Variants in ASTN2 observed in about 807,000 individuals in gnomAD.
ASTN2 encodes the protein astrotactin-2.
ASTN2 carries 54 observed loss-of-function variants against 139.8 expected under a neutral mutation model. The observed-to-expected ratio is 0.39, with a 90% confidence interval of 0.31 to 0.48. The LOEUF is 0.48. Ranked by LOEUF, ASTN2 falls within the 20% of genes least tolerant of loss-of-function variation. The pLI, the probability that ASTN2 is intolerant of heterozygous loss-of-function variation, is 0.95. For synonymous variants in ASTN2, 756 were observed against 719.5 expected, an observed-to-expected ratio of 1.05 and a Z score of -0.81; for missense variants, 1,565 against 1,725.1, an observed-to-expected ratio of 0.91 and a Z score of 1.64.
chr9:116,984,237 G>A (rs78843241), intron 7 of ASTN2, among the ~76,000 whole-genome samples: 1 of 152,138 alleles, frequency 6.6e-6, no homozygotes, highest in Non-Finnish European at 1.5e-5. Flanking sequence ...CATTGTCCAT[G>A]TGCTATGAAC....
At position 116,725,755 on chromosome 9, in the gene ASTN2, G is replaced by A; in HGVS notation, c.2806+16C>T. On this transcript the variant is annotated intron_variant, in intron 16 of 22. Coordinates refer to ENST00000313400, the MANE Select transcript of ASTN2 (RefSeq NM_001365068.1). ...GCCTGCCTGGCCACCTCCTACAGTA[G>A]GCACTCCGGGCTTACCTTTCTGATA... 6.2e-7 allele frequency: 1 copy of A among 1,609,834 alleles called. No homozygotes were observed. The highest frequency in any genetic ancestry group is 1.1e-5 in the South Asian group (1 of 90,446).
chr9:117,072,156 TG>T (rs1344812559), intron 5 of ASTN2, among the ~76,000 whole-genome samples: 1 of 152,200 alleles, frequency 6.6e-6, no homozygotes, highest in Non-Finnish European at 1.5e-5. Flanking sequence ...TGCAGAATTA[TG>T]GGGCCTCCTA....
chr9:117,248,355 A>G (rs1049848691), intron 2 of ASTN2, among the ~76,000 whole-genome samples: 2 of 152,226 alleles, frequency 1.3e-5, no homozygotes, highest in Non-Finnish European at 2.9e-5. Flanking sequence ...GGAATCGAAT[A>G]AAAAGAGGAG....
rs76221895 is a variant in ASTN2 at position 117,282,791 on chromosome 9, T to C, written c.630+8535A>G. Among the ~76,000 whole-genome samples the C allele has an allele frequency of 2.0e-5, 3 of 148,292 alleles. No homozygotes were observed. In the East Asian group the frequency reaches 5.8e-4, roughly 29 times the overall value. ...AGGAGAAGACAAGCAGAGCTGAGCC[T>C]GCAGTGACTGCAGCTGCCGATGTGT... On this transcript the variant is annotated intron_variant, in intron 2 of 22. Transcript: ENST00000313400.
intron 10 of ASTN2, among the ~76,000 whole-genome samples, chr9:116,900,672 T>C (rs1588395485): frequency 6.6e-6 from 1 of 152,000 alleles, no homozygotes; most frequent in Admixed American, 6.6e-5. Flanking sequence ...CTACCATTGG[T>C]TCCAGCTCAT....
At chr9:116,716,066 T>C (rs1006050858) in intron 16 of ASTN2, among the ~76,000 whole-genome samples, 1 of 152,140 alleles carries the variant, frequency 6.6e-6, no homozygotes, top group Non-Finnish European at 1.5e-5. Flanking sequence ...AATTCCACAT[T>C]CTTAGTGCCA....
At chr9:116,985,723 A>G (rs1388192533) in intron 7 of ASTN2, among the ~76,000 whole-genome samples, 2 of 152,184 alleles carry the variant, frequency 1.3e-5, no homozygotes, top group Admixed American at 1.3e-4. Context: ...ATTTCCAACA[A>G]TCCAGAAGGA....
chr9:117,300,473 C>T (rs1025346654), intron 1 of ASTN2, among the ~76,000 whole-genome samples: 3 of 152,150 alleles, frequency 2.0e-5, no homozygotes, highest in Non-Finnish European at 4.4e-5. Flanking sequence ...AAGTCACAAT[C>T]TAGGAGAGCA....
intron 1 of ASTN2, among the ~76,000 whole-genome samples, chr9:117,325,885 G>C (rs778116217): frequency 6.6e-6 from 1 of 152,098 alleles, no homozygotes; most frequent in South Asian, 2.1e-4. Context: ...TCAGTCCCCA[G>C]GCAGGTCATA....
intron 19 of ASTN2, among the ~76,000 whole-genome samples, chr9:116,567,387 C>T (rs1165141278): frequency 6.6e-6 from 1 of 152,208 alleles, no homozygotes; most frequent in African/African-American, 2.4e-5. Flanking sequence ...TTTTTCCCCA[C>T]TGAGTGCTCT....
At chr9:117,406,453 C>T (rs996414842) in intron 1 of ASTN2, among the ~76,000 whole-genome samples, 2 of 152,140 alleles carry the variant, frequency 1.3e-5, no homozygotes, top group South Asian at 4.1e-4. Flanking sequence ...CATGACTGTT[C>T]TTTTCTTCTC....
chr9:117,246,924 T>C (rs1256691892), intron 2 of ASTN2, among the ~76,000 whole-genome samples: 1 of 152,060 alleles, frequency 6.6e-6, no homozygotes, highest in East Asian at 1.9e-4. Context: ...CCTGGGGTGA[T>C]TATTCAGACC....
intron 10 of ASTN2, among the ~76,000 whole-genome samples, chr9:116,914,581 AT>A (rs917437769): frequency 2.6e-4 from 38 of 147,252 alleles, no homozygotes; most frequent in East Asian, 7.9e-4. Flanking sequence ...ATTTATATAT[AT>A]TTTTTTTTAC....
At chr9:116,863,863 T>C in intron 10 of ASTN2, 130 bp from the exon 11 acceptor site, 1 of 1,063,220 alleles carries the variant, frequency 9.4e-7, no homozygotes, top group Non-Finnish European at 1.3e-6. Flanking sequence ...TAATCAATAT[T>C]ATAAAAAGGA....
chr9:117,010,033 T>A (rs926017663), intron 6 of ASTN2, among the ~76,000 whole-genome samples: 2 of 152,030 alleles, frequency 1.3e-5, no homozygotes, highest in African/African-American at 4.8e-5. Flanking sequence ...AATCCCTAAG[T>A]AAAGGCACAG....
At chr9:116,964,216 GGT>G (rs56209166) in intron 10 of ASTN2, among the ~76,000 whole-genome samples, 15,483 of 140,678 alleles carry the variant, frequency 0.11, 880 homozygotes, top group East Asian at 0.19. Context: ...ACTGCCCTGG[GGT>G]GTGTGTGTGT....
chr9:116,993,876 A>ATATTTT (rs1030120382), intron 7 of ASTN2, among the ~76,000 whole-genome samples: 53 of 142,042 alleles, frequency 3.7e-4, no homozygotes, highest in African/African-American at 1.3e-3. Flanking sequence ...ATATATATAT[A>ATATTTT]TTTTAACTAT....
chr9:116,744,662 G>A (rs1490915244), intron 13 of ASTN2, among the ~76,000 whole-genome samples: 3 of 152,088 alleles, frequency 2.0e-5, no homozygotes, highest in Non-Finnish European at 4.4e-5. Flanking sequence ...GAGCAGGTTT[G>A]AGCCCAAGCA....
intron 20 of ASTN2, among the ~76,000 whole-genome samples, chr9:116,482,187 G>A (rs1274871422): frequency 4.6e-5 from 7 of 152,084 alleles, no homozygotes; most frequent in Non-Finnish European, 4.4e-5. Flanking sequence ...TTAGCCGGGC[G>A]TGGTGGCAGG....
Sources: gnomAD v4.1 joint callset for allele counts (sites outside exome capture counted in the v4.1 genomes callset) on GRCh38, gnomAD v4.1.1 for gene constraint, MANE v1.5 for transcripts, NCBI Gene and HGNC (gene_info 2026-07-23, HGNC 2026-07-21) for gene names.